Variants in ATXN1 observed in about 807,000 individuals in gnomAD.
ATXN1 encodes the protein ataxin-1.
ATXN1 carries 8 observed loss-of-function variants against 56.4 expected under a neutral mutation model. That is an observed-to-expected ratio of 0.14 (90% confidence interval 0.08 to 0.26). ATXN1 has a LOEUF of 0.26. Among genes scored for constraint, ATXN1 ranks in the 10% least tolerant of loss-of-function variants. The pLI, the probability that ATXN1 is intolerant of heterozygous loss-of-function variation, is 1.00. For missense variants in ATXN1, 987 were observed against 1,106.5 expected (o/e 0.89, Z 1.53); for synonymous variants, 514 against 494.6 (o/e 1.04, Z -0.52).
At chr6:16,337,906 G>A (rs1277937973) in intron 6 of ATXN1, among the ~76,000 whole-genome samples, 3 of 152,122 alleles carry the variant, frequency 2.0e-5, no homozygotes, top group Non-Finnish European at 4.4e-5. Flanking sequence ...TAAGAACTGG[G>A]GTCAGGAGGA....
chr6:16,391,024 T>A (rs1365579450), intron 6 of ATXN1, among the ~76,000 whole-genome samples: 2 of 151,670 alleles, frequency 1.3e-5, no homozygotes, highest in Non-Finnish European at 2.9e-5. Context: ...TAGCTGGGCG[T>A]AGGAGCACAC....
intron 3 of ATXN1, among the ~76,000 whole-genome samples, chr6:16,614,462 T>C (rs531880577): frequency 3.3e-5 from 5 of 151,918 alleles, no homozygotes; most frequent in African/African-American, 9.7e-5. Flanking sequence ...CACCATTCAA[T>C]AGACAAAAAT....
intron 3 of ATXN1, among the ~76,000 whole-genome samples, chr6:16,594,043 ATAT>A (rs1455638352): frequency 6.7e-6 from 1 of 149,090 alleles, no homozygotes; most frequent in Non-Finnish European, 1.5e-5. Context: ...CAAATTATAC[ATAT>A]TAGTTCAATT....
chr6:16,441,368 G>C (rs1325756280), intron 6 of ATXN1, among the ~76,000 whole-genome samples: 1 of 152,048 alleles, frequency 6.6e-6, no homozygotes, highest in Non-Finnish European at 1.5e-5. Context: ...GGAGTTCTAT[G>C]GCCTAGACAC....
intron 6 of ATXN1, among the ~76,000 whole-genome samples, chr6:16,390,475 C>T (rs192559132): frequency 5.9e-5 from 9 of 152,204 alleles, no homozygotes; most frequent in Admixed American, 2.0e-4. Context: ...AATAGATGAA[C>T]AGTGGCCTTC....
At chr6:16,686,435 C>A (rs992611379) in intron 2 of ATXN1, among the ~76,000 whole-genome samples, 1 of 152,266 alleles carries the variant, frequency 6.6e-6, no homozygotes, top group East Asian at 1.9e-4. Flanking sequence ...CAATATTCCA[C>A]GAGACAGCCA....
chr6:16,594,848 T>G (rs1171809907), intron 3 of ATXN1, among the ~76,000 whole-genome samples: 1 of 152,124 alleles, frequency 6.6e-6, no homozygotes, highest in East Asian at 1.9e-4. Flanking sequence ...CATTGGTGAG[T>G]TTATACTTTG....
chr6:16,620,100 A>G (rs1370835739), intron 3 of ATXN1, among the ~76,000 whole-genome samples: 1 of 152,140 alleles, frequency 6.6e-6, no homozygotes, highest in Non-Finnish European at 1.5e-5. Context: ...TATTAGTATT[A>G]TTTTGATTTT....
At chr6:16,387,051 G>A (rs1273042114) in intron 6 of ATXN1, among the ~76,000 whole-genome samples, 1 of 152,130 alleles carries the variant, frequency 6.6e-6, no homozygotes, top group Non-Finnish European at 1.5e-5. Flanking sequence ...AGTATGATGC[G>A]TCTAATAGTA....
intron 6 of ATXN1, among the ~76,000 whole-genome samples, chr6:16,372,744 T>A (rs1762065843): frequency 6.6e-6 from 1 of 151,854 alleles, no homozygotes; most frequent in African/African-American, 2.4e-5. Flanking sequence ...TGAGAACTCA[T>A]CTCTACAAAA....
chr6:16,752,237 T>C (rs1474137537), intron 2 of ATXN1, among the ~76,000 whole-genome samples: 1 of 152,182 alleles, frequency 6.6e-6, no homozygotes, highest in East Asian at 1.9e-4. Flanking sequence ...ATGGGAGATT[T>C]GCTAAAAGTA....
At chr6:16,725,674 C>T (rs1020202838) in intron 2 of ATXN1, among the ~76,000 whole-genome samples, 17 of 152,218 alleles carry the variant, frequency 1.1e-4, no homozygotes, top group African/African-American at 4.1e-4. Flanking sequence ...CCAGTAGCTA[C>T]TCCCACATTC....
At chr6:16,573,002 G>A (rs1762359395) in intron 4 of ATXN1, among the ~76,000 whole-genome samples, 1 of 152,156 alleles carries the variant, frequency 6.6e-6, no homozygotes, top group African/African-American at 2.4e-5. Context: ...GAGGACAGAA[G>A]TGTCAGTTTG....
chr6:16,635,928 C>T (rs1001386030), intron 3 of ATXN1, among the ~76,000 whole-genome samples: 2 of 152,134 alleles, frequency 1.3e-5, no homozygotes, highest in African/African-American at 2.4e-5. Context: ...AAGGGAAACG[C>T]GGCTCCCTAC....
At chr6:16,379,779 T>C (rs370731219) in intron 6 of ATXN1, among the ~76,000 whole-genome samples, 20 of 152,206 alleles carry the variant, frequency 1.3e-4, no homozygotes, top group African/African-American at 4.8e-4. Flanking sequence ...GAAGGAGAAA[T>C]AAGTCAGCAG....
At chr6:16,566,538 C>T (rs1381340673) in intron 4 of ATXN1, among the ~76,000 whole-genome samples, 3 of 151,874 alleles carry the variant, frequency 2.0e-5, no homozygotes, top group Non-Finnish European at 4.4e-5. Flanking sequence ...CCATGCCTGG[C>T]CAATTAAAAA....
intron 6 of ATXN1, among the ~76,000 whole-genome samples, chr6:16,459,494 C>T (rs2113624179): frequency 6.6e-6 from 1 of 152,310 alleles, no homozygotes; most frequent in South Asian, 2.1e-4. Context: ...GAGACTAGTG[C>T]AAGATCCTAG....
chr6:16,622,343 A>C (rs756850077), intron 3 of ATXN1, among the ~76,000 whole-genome samples: 7 of 152,148 alleles, frequency 4.6e-5, no homozygotes, highest in Admixed American at 2.6e-4. Flanking sequence ...GTGCTCTAGG[A>C]GATGGTGATG....
chr6:16,412,445 T>C (rs930137078), intron 6 of ATXN1, among the ~76,000 whole-genome samples: 1 of 152,192 alleles, frequency 6.6e-6, no homozygotes, highest in African/African-American at 2.4e-5. Context: ...CATACTATAC[T>C]AATTTTCTCT....
Sources: gnomAD v4.1 joint callset for allele counts (sites outside exome capture counted in the v4.1 genomes callset) on GRCh38, gnomAD v4.1.1 for gene constraint, MANE v1.5 for transcripts, NCBI Gene and HGNC (gene_info 2026-07-23, HGNC 2026-07-21) for gene names.